The following MAST4 variants were observed in gnomAD, a reference collection of about 807,000 sequenced individuals.
MAST4 encodes the protein microtubule associated serine/threonine kinase family member 4.
In MAST4, 89 loss-of-function variants were observed where a neutral mutation model predicts 162.7. That is an observed-to-expected ratio of 0.55 (90% CI 0.46 to 0.65). MAST4 has a LOEUF of 0.65. Ranked by LOEUF, MAST4 falls within the 30% of genes least tolerant of loss-of-function variation. The probability of loss-of-function intolerance (pLI) is 0.00; values close to 1 mark genes in which losing one functional copy is unlikely to be tolerated. For synonymous variants in MAST4, 1,479 were observed against 1,361.1 expected (o/e 1.09, Z -1.91); for missense variants, 3,153 against 3,374.0 (o/e 0.93, Z 1.62).
chr5:66,919,960 C>CT (rs1764413994), intron 4 of MAST4, among the ~76,000 whole-genome samples: 1 of 110,902 alleles, frequency 9.0e-6, no homozygotes, highest in Non-Finnish European at 1.8e-5. Flanking sequence ...TTCCTTCCTT[C>CT]CTTCCTTCCT....
intron 1 of MAST4, among the ~76,000 whole-genome samples, chr5:66,726,116 G>C (rs1751501039): frequency 6.6e-6 from 1 of 152,042 alleles, no homozygotes; most frequent in Admixed American, 6.6e-5. Flanking sequence ...AGGGAGCTAG[G>C]AAAGGGGTGG....
intron 1 of MAST4, 123 bp downstream of exon 1, chr5:66,597,141 C>T: frequency 8.4e-7 from 1 of 1,195,956 alleles, no homozygotes; most frequent in Non-Finnish European, 1.1e-6. Context: ...GGACCCCAAG[C>T]GCTCTGCCCC....
At chr5:67,022,826 G>A (rs1401650737) in intron 4 of MAST4, among the ~76,000 whole-genome samples, 1 of 151,800 alleles carries the variant, frequency 6.6e-6, no homozygotes, top group Non-Finnish European at 1.5e-5. Flanking sequence ...TCTGATTTGT[G>A]TGTGTGAAAT....
At position 66,757,433 on chromosome 5, in the gene MAST4, G is replaced by T. The variant is rs182661457; in HGVS notation, c.364-2276G>T. Among the ~76,000 whole-genome samples the T allele has an allele frequency of 2.8e-4, 43 of 152,344 alleles. No individual in the cohort carries two copies. The East Asian group carries it at 8.3e-3, about 29-fold the overall frequency. ...TATGGCACATTGCCACCTTGTGGCT[G>T]CAGATTTGTCTTGTGATGTAAAAGT... is the stretch of plus-strand genomic sequence containing the variant. On this transcript the variant is annotated intron_variant, in intron 1 of 28. Coordinates refer to ENST00000403625, the MANE Select transcript of MAST4 (RefSeq NM_001164664.2).
chr5:66,728,508 T>C (rs952195814), intron 1 of MAST4, among the ~76,000 whole-genome samples: 3 of 152,212 alleles, frequency 2.0e-5, no homozygotes, highest in African/African-American at 7.2e-5. Context: ...TTACTTTTGC[T>C]ATAGTCCTTT....
chr5:66,908,389 C>T (rs1763524632), intron 4 of MAST4, among the ~76,000 whole-genome samples: 1 of 151,994 alleles, frequency 6.6e-6, no homozygotes, highest in Admixed American at 6.6e-5. Flanking sequence ...ATGTGCATTG[C>T]CAAACACCCT....
intron 1 of MAST4, among the ~76,000 whole-genome samples, chr5:66,621,914 C>T (rs964236659): frequency 2.6e-5 from 4 of 152,056 alleles, no homozygotes; most frequent in Non-Finnish European, 5.9e-5. Context: ...TGGTTTTTGT[C>T]GCAACTACTC....
intron 4 of MAST4, among the ~76,000 whole-genome samples, chr5:66,983,976 A>G (rs1420182953): frequency 1.3e-5 from 2 of 152,188 alleles, no homozygotes; most frequent in Admixed American, 1.3e-4. Flanking sequence ...TCATTCACAC[A>G]ATCTTCATTT....
chr5:67,104,615 C>G (rs960809551), intron 10 of MAST4, 40 bp downstream of exon 10: 1 of 1,547,078 alleles, frequency 6.5e-7, no homozygotes, highest in Non-Finnish European at 8.8e-7. Context: ...ATTTATTTTG[C>G]TTTTCCCTGA....
chr5:66,736,315 ATTTTTTT>A (rs150887206), intron 1 of MAST4, among the ~76,000 whole-genome samples: 1 of 138,988 alleles, frequency 7.2e-6, no homozygotes, highest in Non-Finnish European at 1.6e-5. Flanking sequence ...TAGTGAGGGA[ATTTTTTT>A]TTTTTTTTTT....
chr5:66,606,097 C>G (rs1231127830), intron 1 of MAST4, among the ~76,000 whole-genome samples: 1 of 152,146 alleles, frequency 6.6e-6, no homozygotes, highest in Non-Finnish European at 1.5e-5. Flanking sequence ...ATTCCTTGTT[C>G]TTATTCTTGC....
At chr5:67,099,496 A>AT (rs1764798085) in intron 7 of MAST4, among the ~76,000 whole-genome samples, 1 of 152,170 alleles carries the variant, frequency 6.6e-6, no homozygotes, top group Admixed American at 6.5e-5. Flanking sequence ...TAATATAATG[A>AT]TTTTTAAAAA....
At position 66,850,828 on chromosome 5, in the gene MAST4, A is replaced by T. The variant is rs2149811458; in HGVS notation, c.643-49123A>T. On this transcript the variant is annotated intron_variant, in intron 3 of 28. Transcript: ENST00000403625. ...AAGGAACTGGTTCTTGCCTAACAGA[A>T]ATTACTCCATTTCAGAGTGTTCATT... 2.6e-5 allele frequency among the ~76,000 whole-genome samples: 4 copies of T among 152,238 alleles called. 1 individual carries two copies. Among genetic ancestry groups the T allele is most frequent in the Admixed American group, 2.6e-4 (4 of 15,292 alleles).
intron 1 of MAST4, among the ~76,000 whole-genome samples, chr5:66,654,910 C>G (rs1018384427): frequency 6.6e-6 from 1 of 152,050 alleles, no homozygotes; most frequent in Non-Finnish European, 1.5e-5. Flanking sequence ...AGACTGAGTT[C>G]TGTCAACTTA....
At chr5:66,764,298 G>C (rs1053374299) in intron 2 of MAST4, among the ~76,000 whole-genome samples, 2 of 152,182 alleles carry the variant, frequency 1.3e-5, no homozygotes, top group African/African-American at 4.8e-5. Context: ...TGAAAGACAG[G>C]AGCATGAGAG....
At chr5:66,733,501 C>G (rs1413189282) in intron 1 of MAST4, among the ~76,000 whole-genome samples, 1 of 152,112 alleles carries the variant, frequency 6.6e-6, no homozygotes, top group Non-Finnish European at 1.5e-5. Context: ...AGTGAGTCAC[C>G]CAGGCTGGAG....
At chr5:66,623,742 G>C (rs558816144) in intron 1 of MAST4, among the ~76,000 whole-genome samples, 1 of 152,230 alleles carries the variant, frequency 6.6e-6, no homozygotes, top group Non-Finnish European at 1.5e-5. Flanking sequence ...ACTTCTCTTC[G>C]ACATTGTACT....
chr5:66,882,873 C>T (rs1761779072), intron 3 of MAST4, among the ~76,000 whole-genome samples: 1 of 152,104 alleles, frequency 6.6e-6, no homozygotes, highest in Non-Finnish European at 1.5e-5. Flanking sequence ...TCAGTTTCTA[C>T]CGAGATTTAA....
intron 4 of MAST4, among the ~76,000 whole-genome samples, chr5:67,005,582 T>C (rs1198662032): frequency 6.6e-6 from 1 of 152,220 alleles, no homozygotes; most frequent in Non-Finnish European, 1.5e-5. Flanking sequence ...TACATAACTT[T>C]GTCATTTTGA....
Sources: gnomAD v4.1 joint callset for allele counts (sites outside exome capture counted in the v4.1 genomes callset) on GRCh38, gnomAD v4.1.1 for gene constraint, MANE v1.5 for transcripts, NCBI Gene and HGNC (gene_info 2026-07-23, HGNC 2026-07-21) for gene names.